The following SDK1 variants were observed in gnomAD, a reference collection of about 807,000 sequenced individuals.
SDK1 encodes sidekick cell adhesion molecule 1, also known as protein sidekick-1.
In SDK1, 157 loss-of-function variants were observed where a neutral mutation model predicts 245.5. The observed-to-expected ratio is 0.64, with a 90% CI of 0.56 to 0.73. The LOEUF is 0.73. Among genes scored for constraint, SDK1 ranks in the 30% least tolerant of loss-of-function variants. SDK1 has a pLI of 0.00. For missense variants in SDK1, 3,583 were observed against 3,002.3 expected (o/e 1.19, Z -4.52); for synonymous variants, 1,647 against 1,278.5 (o/e 1.29, Z -6.15).
intron 22 of SDK1, among the ~76,000 whole-genome samples, chr7:4,088,500 C>T (rs143352466): frequency 6.6e-6 from 1 of 151,646 alleles, no homozygotes; most frequent in East Asian, 1.9e-4. Flanking sequence ...AAAAATATAT[C>T]CAGCCTGTAT....
intron 1 of SDK1, among the ~76,000 whole-genome samples, chr7:3,370,656 G>A (rs1456051768): frequency 6.6e-6 from 1 of 152,252 alleles, no homozygotes; most frequent in East Asian, 1.9e-4. Context: ...GATCTGGGCA[G>A]AATGTTCTTC....
intron 1 of SDK1, among the ~76,000 whole-genome samples, chr7:3,604,151 G>T (rs1341789896): frequency 2.6e-5 from 4 of 152,022 alleles, no homozygotes; most frequent in African/African-American, 9.7e-5. Flanking sequence ...TCTCTTTTTT[G>T]GTTGTGTCTC....
At chr7:4,068,862 C>T (rs978955965) in intron 20 of SDK1, among the ~76,000 whole-genome samples, 6 of 152,056 alleles carry the variant, frequency 3.9e-5, no homozygotes, top group African/African-American at 1.4e-4. Context: ...GCTGGGATTA[C>T]AGGTGTGTGC....
At chr7:3,965,210 G>T (rs912409429) in intron 9 of SDK1, among the ~76,000 whole-genome samples, 1 of 152,172 alleles carries the variant, frequency 6.6e-6, no homozygotes, top group Non-Finnish European at 1.5e-5. Flanking sequence ...GGTGCAGGCT[G>T]AATTTGGCCC....
At chr7:3,369,566 C>T (rs578160453) in intron 1 of SDK1, among the ~76,000 whole-genome samples, 11 of 152,162 alleles carry the variant, frequency 7.2e-5, no homozygotes, top group South Asian at 4.1e-4. Context: ...GAGCAGCTTC[C>T]TGAAATCAAC....
intron 1 of SDK1, among the ~76,000 whole-genome samples, chr7:3,358,812 C>G (rs1446210790): frequency 6.6e-6 from 1 of 152,182 alleles, no homozygotes; most frequent in Non-Finnish European, 1.5e-5. Context: ...GGGTGGGTTT[C>G]AAGCATTTAA....
In SDK1 at chr7:3,638,994, T is replaced by A. The variant is rs770959187; in HGVS notation, c.459-10T>A. On this transcript the variant is annotated splice_polypyrimidine_tract_variant and intron_variant, in intron 2 of 44. Transcript: ENST00000404826. ...TATAAGCATTAACACTTCTTTTTGC[T>A]ATTCAACAGGTACATTATTCCATCT... is the stretch of plus-strand genomic sequence containing the variant. 6.4e-7 allele frequency: 1 copy of A among 1,568,722 alleles called. No homozygotes were observed. Among genetic ancestry groups the A allele is most frequent in the East Asian group, 2.3e-5 (1 of 44,200 alleles).
chr7:3,629,107 A>C (rs1438648354), intron 2 of SDK1, among the ~76,000 whole-genome samples: 1 of 151,546 alleles, frequency 6.6e-6, no homozygotes, highest in Non-Finnish European at 1.5e-5. Context: ...CCTGGCTAAC[A>C]TGGTGAAACC....
intron 38 of SDK1, among the ~76,000 whole-genome samples, chr7:4,211,526 G>C (rs1784512069): frequency 6.6e-6 from 1 of 152,170 alleles, no homozygotes; most frequent in African/African-American, 2.4e-5. Context: ...GTTGCGGGCA[G>C]GTGGCTCTGC....
chr7:3,920,549 T>G (rs1488376576), intron 5 of SDK1, among the ~76,000 whole-genome samples: 4 of 151,964 alleles, frequency 2.6e-5, no homozygotes, highest in South Asian at 2.1e-4. Flanking sequence ...AGGAACAGAT[T>G]AAGGTGGGAG....
chr7:4,043,701 T>C (rs9692219), intron 17 of SDK1, among the ~76,000 whole-genome samples: 36,243 of 152,200 alleles, frequency 0.24, 6,009 homozygotes, highest in African/African-American at 0.48. Context: ...CTGCAGGAAA[T>C]GACTACTTAT....
At chr7:4,143,249 A>T (rs1395514711) in intron 28 of SDK1, among the ~76,000 whole-genome samples, 1 of 152,138 alleles carries the variant, frequency 6.6e-6, no homozygotes, top group Admixed American at 6.5e-5. Flanking sequence ...TCCGGGGAAT[A>T]AGGTTCCATG....
intron 1 of SDK1, among the ~76,000 whole-genome samples, chr7:3,408,176 T>TACAG (rs1462511283): frequency 6.6e-6 from 1 of 152,064 alleles, no homozygotes. Context: ...TAGCTGGGAC[T>TACAG]ACAGATATGT....
intron 16 of SDK1, 105 bp downstream of exon 16, chr7:4,012,340 A>G (rs1786045618): frequency 4.0e-6 from 5 of 1,250,116 alleles, no homozygotes; most frequent in East Asian, 2.8e-5. Flanking sequence ...ACAGGAACCA[A>G]AGGAGTCAGG....
intron 38 of SDK1, among the ~76,000 whole-genome samples, chr7:4,219,351 G>C (rs763730643): frequency 3.9e-5 from 6 of 152,194 alleles, no homozygotes; most frequent in Non-Finnish European, 7.3e-5. Flanking sequence ...ACATACTTGA[G>C]ACTGGGTAAT....
At chr7:4,032,619 GC>G (rs11349634) in intron 17 of SDK1, among the ~76,000 whole-genome samples, 36,374 of 152,040 alleles carry the variant, frequency 0.24, 6,208 homozygotes, top group African/African-American at 0.49. Flanking sequence ...AAAGAATTTA[GC>G]AAACTAGCAA....
At chr7:3,557,095 AGAT>A (rs1478904408) in intron 1 of SDK1, among the ~76,000 whole-genome samples, 1 of 152,092 alleles carries the variant, frequency 6.6e-6, no homozygotes, top group Non-Finnish European at 1.5e-5. Context: ...AGAAGGAAAG[AGAT>A]AATAAAAGCA....
chr7:4,129,197 A>C (rs1399653987), intron 26 of SDK1, among the ~76,000 whole-genome samples: 2 of 111,372 alleles, frequency 1.8e-5, no homozygotes, highest in Admixed American at 1.9e-4. Flanking sequence ...GTGCCCTGGA[A>C]TAGAGCAGCT....
chr7:3,661,226 A>G (rs1783344983), intron 4 of SDK1, among the ~76,000 whole-genome samples: 1 of 152,188 alleles, frequency 6.6e-6, no homozygotes, highest in Non-Finnish European at 1.5e-5. Flanking sequence ...AACTTTTTTC[A>G]TATATTTTTA....
Sources: gnomAD v4.1 joint callset for allele counts (sites outside exome capture counted in the v4.1 genomes callset) on GRCh38, gnomAD v4.1.1 for gene constraint, MANE v1.5 for transcripts, NCBI Gene and HGNC (gene_info 2026-07-23, HGNC 2026-07-21) for gene names.